The following IGF2BP2 variants were observed in gnomAD, a reference collection of about 807,000 sequenced individuals.
IGF2BP2 encodes the protein insulin like growth factor 2 mRNA binding protein 2.
In IGF2BP2, 17 loss-of-function variants were observed where a neutral mutation model predicts 75.8. The ratio of observed to expected loss-of-function variants is 0.22; its 90% CI spans 0.15 to 0.34. The LOEUF is 0.34. IGF2BP2 is among the 10% of genes least tolerant of loss of function. The pLI is 1.00. For synonymous variants in IGF2BP2, 288 were observed against 295.6 expected (o/e 0.97, Z 0.26); for missense variants, 516 against 772.4 (o/e 0.67, Z 3.93).
chr3:185,730,603 T>A (rs1728034440), intron 2 of IGF2BP2, among the ~76,000 whole-genome samples: 1 of 151,890 alleles, frequency 6.6e-6, no homozygotes, highest in Admixed American at 6.6e-5. Flanking sequence ...CCCGGCTAAT[T>A]TTGTATTTTT....
At chr3:185,770,378 G>C (rs968940794) in intron 2 of IGF2BP2, among the ~76,000 whole-genome samples, 1 of 152,154 alleles carries the variant, frequency 6.6e-6, no homozygotes, top group East Asian at 1.9e-4. Flanking sequence ...CAAAACCAAC[G>C]AACAGAGATT....
At chr3:185,674,518 T>A (rs1719008459) in intron 9 of IGF2BP2, among the ~76,000 whole-genome samples, 1 of 152,100 alleles carries the variant, frequency 6.6e-6, no homozygotes, top group Admixed American at 6.5e-5. Context: ...TAGGTAGCAA[T>A]CACAGGAAGG....
At chr3:185,776,253 AT>A (rs1488974793) in intron 2 of IGF2BP2, among the ~76,000 whole-genome samples, 12 of 152,326 alleles carry the variant, frequency 7.9e-5, no homozygotes, top group African/African-American at 2.9e-4. Flanking sequence ...CTCTAAAAAA[AT>A]AATAAATAAA....
rs569907231 is a variant in IGF2BP2, at chr3:185,755,710, G to A, written c.240-57363C>T. Among the ~76,000 whole-genome samples the A allele has an allele frequency of 2.6e-5, 4 of 152,294 alleles. No homozygotes were observed. The South Asian group carries it at 8.3e-4, about 32-fold the overall frequency. ...GTAAGATTTAATGCCTGCTCTACTG[G>A]GTTTCAGACTTGCATGGGGCCTATT... is the stretch of plus-strand genomic sequence containing the variant. On this transcript the variant is annotated intron_variant, in intron 2 of 15. Transcript: ENST00000382199.
At chr3:185,684,436 G>A (rs539330676) in intron 7 of IGF2BP2, among the ~76,000 whole-genome samples, 3 of 150,284 alleles carry the variant, frequency 2.0e-5, no homozygotes, top group Admixed American at 1.3e-4. Flanking sequence ...ATGGAGTCTC[G>A]CTCTGTCGCC....
intron 12 of IGF2BP2, among the ~76,000 whole-genome samples, chr3:185,654,525 T>TA (rs1244107195): frequency 4.6e-5 from 7 of 152,226 alleles, no homozygotes; most frequent in Non-Finnish European, 5.9e-5. Context: ...GTCCACTTCG[T>TA]AATGACTTGT....
chr3:185,762,962 G>A (rs1338862291), intron 2 of IGF2BP2, among the ~76,000 whole-genome samples: 1 of 152,172 alleles, frequency 6.6e-6, no homozygotes, highest in Non-Finnish European at 1.5e-5. Flanking sequence ...TTGTTAAGAA[G>A]GTTTATCTGC....
At chr3:185,677,048 T>TATATATAG (rs1719578773) in intron 7 of IGF2BP2, among the ~76,000 whole-genome samples, 1 of 44,180 alleles carries the variant, frequency 2.3e-5, no homozygotes, top group Admixed American at 2.6e-4. Flanking sequence ...TATGGAGATA[T>TATATATAG]ATATATATAT....
intron 2 of IGF2BP2, among the ~76,000 whole-genome samples, chr3:185,799,217 T>C (rs982396006): frequency 6.6e-6 from 1 of 150,874 alleles, no homozygotes; most frequent in South Asian, 2.1e-4. Context: ...CCAGGTAAAA[T>C]AGCAAAACCC....
intron 7 of IGF2BP2, among the ~76,000 whole-genome samples, chr3:185,682,067 C>T (rs747232793): frequency 2.1e-4 from 32 of 152,300 alleles, no homozygotes; most frequent in Non-Finnish European, 3.5e-4. Context: ...AGTGGGAGTA[C>T]ATCAACTTAA....
chr3:185,659,645 T>G (rs747172546), intron 10 of IGF2BP2, among the ~76,000 whole-genome samples: 7 of 151,614 alleles, frequency 4.6e-5, no homozygotes, highest in Non-Finnish European at 8.8e-5. Flanking sequence ...CAAAGTGATA[T>G]GATTATAAGT....
chr3:185,648,090 G>T (rs372129406), intron 14 of IGF2BP2, among the ~76,000 whole-genome samples: 1 of 152,188 alleles, frequency 6.6e-6, no homozygotes, highest in Non-Finnish European at 1.5e-5. Context: ...ACACCGCTTC[G>T]TTCTTTCGTA....
chr3:185,737,319 G>A (rs1453214625), intron 2 of IGF2BP2, among the ~76,000 whole-genome samples: 1 of 152,028 alleles, frequency 6.6e-6, no homozygotes, highest in Non-Finnish European at 1.5e-5. Context: ...AAACATTCTA[G>A]GTGCTCCTTG....
At chr3:185,679,387 C>T (rs1376222747) in intron 7 of IGF2BP2, among the ~76,000 whole-genome samples, 2 of 151,672 alleles carry the variant, frequency 1.3e-5, no homozygotes, top group Admixed American at 6.6e-5. Context: ...ACTTTTTTAC[C>T]CCATCCCCAA....
At chr3:185,771,387 C>CTGAG (rs1480908121) in intron 2 of IGF2BP2, among the ~76,000 whole-genome samples, 1 of 149,566 alleles carries the variant, frequency 6.7e-6, no homozygotes, top group Non-Finnish European at 1.5e-5. Flanking sequence ...TTGCAGTGGG[C>CTGAG]TGAGATTGAG....
intron 2 of IGF2BP2, among the ~76,000 whole-genome samples, chr3:185,810,202 G>T (rs1025932757): frequency 1.3e-5 from 2 of 152,160 alleles, no homozygotes; most frequent in African/African-American, 2.4e-5. Flanking sequence ...CCAACTATCA[G>T]AGTAGTCTGA....
At chr3:185,668,494 G>A (rs972132234) in intron 10 of IGF2BP2, among the ~76,000 whole-genome samples, 1 of 121,584 alleles carries the variant, frequency 8.2e-6, no homozygotes, top group Non-Finnish European at 1.7e-5. Flanking sequence ...GTTCGAGAGA[G>A]AGAGAGAGAG....
intron 2 of IGF2BP2, among the ~76,000 whole-genome samples, chr3:185,795,471 C>A (rs1158628059): frequency 2.0e-5 from 3 of 152,198 alleles, no homozygotes; most frequent in Non-Finnish European, 4.4e-5. Context: ...GCTTTCAATT[C>A]TTTTGGGCAC....
intron 2 of IGF2BP2, among the ~76,000 whole-genome samples, chr3:185,707,738 AAAAAC>A (rs1448505610): frequency 1.3e-5 from 2 of 152,156 alleles, no homozygotes; most frequent in Non-Finnish European, 2.9e-5. Flanking sequence ...GAAATCAAAC[AAAAAC>A]AAAAACCCTA....
Sources: gnomAD v4.1 joint callset for allele counts (sites outside exome capture counted in the v4.1 genomes callset) on GRCh38, gnomAD v4.1.1 for gene constraint, MANE v1.5 for transcripts, NCBI Gene and HGNC (gene_info 2026-07-23, HGNC 2026-07-21) for gene names.